The following NTM variants were observed in gnomAD, a reference collection of about 807,000 sequenced individuals.
The protein encoded by NTM is IgLON family member 2.
NTM carries 13 observed loss-of-function variants against 42.1 expected under a neutral mutation model. The observed-to-expected ratio is 0.31, with a 90% CI of 0.20 to 0.49. The LOEUF (loss-of-function observed/expected upper bound fraction) is 0.49, where lower values mean the gene tolerates loss of function less well. NTM is among the 20% of genes least tolerant of loss of function. The probability of loss-of-function intolerance (pLI) is 0.99; values close to 1 mark genes in which losing one functional copy is unlikely to be tolerated. For missense variants in NTM, 373 were observed against 452.8 expected (o/e 0.82, Z 1.60); for synonymous variants, 187 against 179.2 (o/e 1.04, Z -0.35).
chr11:131,410,885 C>T (rs754073018), intron 1 of NTM, among the ~76,000 whole-genome samples: 2 of 152,116 alleles, frequency 1.3e-5, no homozygotes, highest in Non-Finnish European at 2.9e-5. Context: ...AAAATTGTAA[C>T]CACAGGCATA....
chr11:132,185,435 C>T (rs1360374468), intron 3 of NTM, among the ~76,000 whole-genome samples: 1 of 152,192 alleles, frequency 6.6e-6, no homozygotes, highest in Non-Finnish European at 1.5e-5. Flanking sequence ...ATAATGCACA[C>T]AAAGACTTTT....
intron 2 of NTM, among the ~76,000 whole-genome samples, chr11:132,119,785 A>G (rs2064470286): frequency 6.6e-6 from 1 of 152,200 alleles, no homozygotes; most frequent in Admixed American, 6.5e-5. Flanking sequence ...GTTAAATGAA[A>G]TGCAATCACC....
intron 7 of NTM, among the ~76,000 whole-genome samples, chr11:132,320,122 C>CCAT (rs2095527101): frequency 1.3e-5 from 2 of 152,328 alleles, no homozygotes; most frequent in African/African-American, 4.8e-5. Context: ...CAGTACATCA[C>CCAT]CATCATCAAA....
rs565586744 is a variant in NTM at position 131,598,945 on chromosome 11, G to A, written c.82+228057G>A. On this transcript the variant is annotated intron_variant, in intron 1 of 8. Transcript: ENST00000683400. ...CTTCTTTCCTTTCAGACAGAGTCTC[G>A]CTCTTGTCACCCAGGTAGAGTGCAA... is the stretch of plus-strand genomic sequence containing the variant. 1.2e-3 allele frequency among the ~76,000 whole-genome samples: 150 copies of A among 129,294 alleles called. 3 individuals carry two copies. The highest frequency in any genetic ancestry group is 4.6e-3 in the African/African-American group (145 of 31,822). The allele number at this position is 129,294 out of a possible 152,430, so 84.8% of individuals were successfully genotyped here. A position where few individuals can be genotyped will look rare whatever the true frequency, so the allele number is the denominator to read the frequency against.
intron 1 of NTM, among the ~76,000 whole-genome samples, chr11:131,860,834 C>A (rs536136259): frequency 6.6e-6 from 1 of 152,132 alleles, no homozygotes; most frequent in Non-Finnish European, 1.5e-5. Flanking sequence ...CATGGACACA[C>A]GTTTATCTCC....
chr11:131,833,736 C>G (rs2136572948), intron 1 of NTM, among the ~76,000 whole-genome samples: 1 of 152,302 alleles, frequency 6.6e-6, no homozygotes, highest in South Asian at 2.1e-4. Context: ...AGCTCTGCCT[C>G]TTTGCTTCTG....
intron 2 of NTM, among the ~76,000 whole-genome samples, chr11:132,007,164 T>C (rs1311440448): frequency 6.6e-6 from 1 of 152,248 alleles, no homozygotes; most frequent in African/African-American, 2.4e-5. Context: ...TTTCATGTTG[T>C]TGACGATTTC....
At chr11:131,444,203 CAAAAAAAAAA>C (rs71475757) in intron 1 of NTM, among the ~76,000 whole-genome samples, 31 of 49,518 alleles carry the variant, frequency 6.3e-4, no homozygotes, top group Middle Eastern at 0.024. Flanking sequence ...AGGTTAGAAC[CAAAAAAAAAA>C]AAAAAAAAAA....
At chr11:131,985,132 CG>C (rs2065865757) in intron 2 of NTM, among the ~76,000 whole-genome samples, 1 of 152,116 alleles carries the variant, frequency 6.6e-6, no homozygotes, top group African/African-American at 2.4e-5. Flanking sequence ...TTGTGATCAT[CG>C]GTGTAAACAA....
rs77837580 is a variant in NTM at position 132,199,909 on chromosome 11, A to G, written c.401-12113A>G. 6.3e-3 allele frequency among the ~76,000 whole-genome samples: 953 copies of G among 151,968 alleles called. 34 individuals carry two copies. The highest frequency in any genetic ancestry group is 0.049 in the Admixed American group (752 of 15,250). On this transcript the variant is annotated intron_variant, in intron 3 of 8. Coordinates refer to ENST00000683400, the MANE Select transcript of NTM (RefSeq NM_001352005.2). ...AAGGAATCTAATAAAGACATTCGGT[A>G]TTTCTAGGTGATGTGTTTGACAAGC...
chr11:132,287,810 A>G (rs1331424849), intron 4 of NTM, among the ~76,000 whole-genome samples: 1 of 152,178 alleles, frequency 6.6e-6, no homozygotes, highest in Non-Finnish European at 1.5e-5. Context: ...TGAGCTTACA[A>G]TTTTGGGTCG....
In NTM at chr11:131,972,388, AAAT is replaced by A. The variant is rs377134740; in HGVS notation, c.167+60747_167+60749del. Among the ~76,000 whole-genome samples, 808 of 152,312 alleles carry A rather than the reference AAAT, an allele frequency of 5.3e-3. 6 individuals are homozygous for A. The highest frequency in any genetic ancestry group is 0.018 in the African/African-American group (768 of 41,556). ...TTATATATGTATTTTCAAAGAAAAC[AAAT>A]AATAATTTCTTTTTTAGCTTTATAA... On this transcript the variant is annotated intron_variant, in intron 2 of 8. Transcript: ENST00000683400.
chr11:132,206,410 G>T (rs2081999015), intron 3 of NTM, among the ~76,000 whole-genome samples: 2 of 152,114 alleles, frequency 1.3e-5, no homozygotes, highest in Admixed American at 1.3e-4. Context: ...GCATATATGT[G>T]TTTGCCAAGC....
chr11:131,674,666 C>A (rs546134205), intron 1 of NTM, among the ~76,000 whole-genome samples: 3 of 152,332 alleles, frequency 2.0e-5, no homozygotes, highest in East Asian at 3.9e-4. Flanking sequence ...ACAGAACCAG[C>A]CTTATTGTTC....
At chr11:131,748,159 T>A (rs2082051455) in intron 1 of NTM, among the ~76,000 whole-genome samples, 1 of 152,276 alleles carries the variant, frequency 6.6e-6, no homozygotes, top group African/African-American at 2.4e-5. Flanking sequence ...CAACCAAGTC[T>A]GTTAAGGGTT....
At chr11:131,401,844 A>ATATATATATATATG (rs1945266346) in intron 1 of NTM, among the ~76,000 whole-genome samples, 3 of 101,082 alleles carry the variant, frequency 3.0e-5, no homozygotes, top group African/African-American at 1.2e-4. Flanking sequence ...ATATATATAT[A>ATATATATATATATG]TATATATATA....
intron 1 of NTM, among the ~76,000 whole-genome samples, chr11:131,804,715 T>C (rs1006395100): frequency 1.3e-5 from 2 of 152,190 alleles, no homozygotes; most frequent in East Asian, 3.9e-4. Context: ...TCTCTATTGC[T>C]GTGGTTTGCA....
intron 7 of NTM, chr11:132,317,596 TATATA>T (rs753875779): frequency 8.2e-5 from 81 of 983,608 alleles, no homozygotes; most frequent in Non-Finnish European, 1.1e-4. Flanking sequence ...TATAGCACTG[TATATA>T]ATATATGTGT....
At position 132,307,643 on chromosome 11, in the gene NTM, CT is replaced by C. The variant is rs751927293; in HGVS notation, c.527-38del. ...TGTTTTCTAAGTGAACATGTTTGGT[CT>C]TTTTTTTCCTTGTATTTCACCACAC... On this transcript the variant is annotated intron_variant, in intron 4 of 8. Transcript: ENST00000683400. 1.1e-4 allele frequency: 175 copies of C among 1,605,062 alleles called. 1 individual carries two copies. In the East Asian group the frequency reaches 3.3e-3, roughly 30 times the overall value.
Sources: gnomAD v4.1 joint callset for allele counts (sites outside exome capture counted in the v4.1 genomes callset) on GRCh38, gnomAD v4.1.1 for gene constraint, MANE v1.5 for transcripts, NCBI Gene and HGNC (gene_info 2026-07-23, HGNC 2026-07-21) for gene names.